The following TAOK1 variants were observed in gnomAD, a reference collection of about 807,000 sequenced individuals.
The protein encoded by TAOK1 is TAO kinase 1.
A neutral mutation model predicts 138.3 loss-of-function variants in TAOK1; 21 were observed. The ratio of observed to expected loss-of-function variants is 0.15; its 90% CI spans 0.11 to 0.22. The LOEUF (loss-of-function observed/expected upper bound fraction) is 0.22. Ranked by LOEUF, TAOK1 falls within the 10% of genes least tolerant of loss-of-function variation. TAOK1 has a pLI of 1.00. For missense variants in TAOK1, 651 were observed against 1,227.7 expected (o/e 0.53, Z 7.02); for synonymous variants, 361 against 398.4 (o/e 0.91, Z 1.12).
intron 8 of TAOK1, among the ~76,000 whole-genome samples, chr17:29,482,911 A>G (rs2031093472): frequency 6.6e-6 from 1 of 152,150 alleles, no homozygotes. Flanking sequence ...GTTCATAAAT[A>G]GAACTGTGCT....
intron 12 of TAOK1, among the ~76,000 whole-genome samples, chr17:29,499,335 G>T (rs985160950): frequency 6.7e-6 from 1 of 148,150 alleles, no homozygotes. Context: ...AGTTTCAAGC[G>T]ATCCTCCTGC....
At chr17:29,426,023 T>TGCGCCCACCACC (rs1905627359) in intron 1 of TAOK1, among the ~76,000 whole-genome samples, 1 of 152,050 alleles carries the variant, frequency 6.6e-6, no homozygotes, top group African/African-American at 2.4e-5. Flanking sequence ...TGGAACTACA[T>TGCGCCCACCACC]GCGCCCACCA....
intron 1 of TAOK1, among the ~76,000 whole-genome samples, chr17:29,405,967 G>A (rs971361199): frequency 2.0e-5 from 3 of 152,102 alleles, no homozygotes; most frequent in African/African-American, 4.8e-5. Flanking sequence ...TTATTTTGTA[G>A]ATACTGTGCC....
In TAOK1 at chr17:29,393,573, C is replaced by T. The variant is rs150943912; in HGVS notation, c.-95+2549C>T. Among the ~76,000 whole-genome samples, 483 of 152,286 alleles carry T rather than the reference C, an allele frequency of 3.2e-3. 2 individuals carry two copies. The highest frequency in any genetic ancestry group is 5.1e-3 in the Non-Finnish European group (345 of 68,022). On this transcript the variant is annotated intron_variant, in intron 1 of 19. Transcript: ENST00000261716. ...CTGAGTTGATTCTAGATTAGTATGG[C>T]ACTTCTTATGTTTCTAAATAGTTCA...
At chr17:29,540,029 T>C (rs1161801922) in intron 19 of TAOK1, among the ~76,000 whole-genome samples, 1 of 152,106 alleles carries the variant, frequency 6.6e-6, no homozygotes, top group Non-Finnish European at 1.5e-5. Context: ...TAAAGAGTGC[T>C]TTCTGAAGGA....
chr17:29,482,663 T>A (rs1034800699), intron 8 of TAOK1, among the ~76,000 whole-genome samples: 9 of 152,180 alleles, frequency 5.9e-5, no homozygotes, highest in South Asian at 4.1e-4. Context: ...ACTTTTTTTT[T>A]AATTAGGGAT....
intron 2 of TAOK1, among the ~76,000 whole-genome samples, chr17:29,458,840 G>A (rs1000574787): frequency 3.9e-5 from 6 of 152,042 alleles, no homozygotes; most frequent in Non-Finnish European, 5.9e-5. Context: ...GATTATAGGC[G>A]TGCGCCACCA....
At chr17:29,460,254 C>T (rs1474171314) in intron 2 of TAOK1, among the ~76,000 whole-genome samples, 1 of 152,172 alleles carries the variant, frequency 6.6e-6, no homozygotes, top group Non-Finnish European at 1.5e-5. Flanking sequence ...TGCAGTGGCA[C>T]GATCTCAGTT....
At chr17:29,517,018 G>A (rs933571438) in intron 15 of TAOK1, among the ~76,000 whole-genome samples, 1 of 147,874 alleles carries the variant, frequency 6.8e-6, no homozygotes, top group South Asian at 2.1e-4. Flanking sequence ...ACAGAGTCTC[G>A]CTCTGTCACC....
chr17:29,411,402 G>C (rs774321296), intron 1 of TAOK1, among the ~76,000 whole-genome samples: 21 of 147,420 alleles, frequency 1.4e-4, no homozygotes, highest in Non-Finnish European at 2.4e-4. Flanking sequence ...TCTTTTTACT[G>C]TTTTTTTGAG....
chr17:29,513,499 A>G (rs913605886), intron 15 of TAOK1: 1 of 152,192 alleles, frequency 6.6e-6, no homozygotes, highest in Non-Finnish European at 1.5e-5. Flanking sequence ...GGCATATACC[A>G]TATAGTCAAA....
intron 8 of TAOK1, among the ~76,000 whole-genome samples, chr17:29,483,574 C>T (rs1046798723): frequency 1.3e-5 from 2 of 152,146 alleles, no homozygotes; most frequent in Non-Finnish European, 2.9e-5. Context: ...TCTATTACAA[C>T]CAGACTACCT....
Position 29,547,210 on chromosome 17 carries a change from T to C in TAOK1, c.*4188T>C, listed in dbSNP as rs1274166629. 1 of 152,122 alleles carries C rather than the reference T, an allele frequency of 6.6e-6. No homozygotes were observed. The highest frequency in any genetic ancestry group is 1.5e-5 in the Non-Finnish European group (1 of 67,982). The allele number at this position is 152,122 out of a possible 1,614,324, so 9.4% of individuals were successfully genotyped here. On this transcript the variant is annotated 3_prime_UTR_variant, in exon 20 of 20. Transcript: ENST00000261716. ...GTAGTGATACCATTGATCCTCTTAC[T>C]TTTTTTACTCCATTAATACTAATAA...
intron 1 of TAOK1, among the ~76,000 whole-genome samples, chr17:29,391,619 C>G (rs1567704660): frequency 6.6e-6 from 1 of 152,168 alleles, no homozygotes; most frequent in South Asian, 2.1e-4. Context: ...GAAGTAATGG[C>G]GCTTCCCTTG....
At chr17:29,492,685 G>A (rs984148930) in intron 10 of TAOK1, among the ~76,000 whole-genome samples, 1 of 152,092 alleles carries the variant, frequency 6.6e-6, no homozygotes, top group Non-Finnish European at 1.5e-5. Flanking sequence ...CCAGCTACTC[G>A]GGAGGCTGAG....
At chr17:29,512,573 G>A (rs912599746) in intron 15 of TAOK1, 8 of 151,366 alleles carry the variant, frequency 5.3e-5, no homozygotes, top group African/African-American at 1.9e-4. Flanking sequence ...AGAGATGAGG[G>A]TTTCACCATC....
At chr17:29,407,563 C>A (rs1467038109) in intron 1 of TAOK1, among the ~76,000 whole-genome samples, 2 of 152,034 alleles carry the variant, frequency 1.3e-5, no homozygotes, top group Non-Finnish European at 2.9e-5. Flanking sequence ...CCTCCCCCCT[C>A]AGCCTCCCTA....
At chr17:29,434,850 G>A (rs544866850) in intron 1 of TAOK1, among the ~76,000 whole-genome samples, 4 of 152,220 alleles carry the variant, frequency 2.6e-5, no homozygotes, top group Admixed American at 2.0e-4. Context: ...CCTGAAATTT[G>A]GAATTGAGTC....
At chr17:29,473,538 G>A (rs2030875147) in intron 3 of TAOK1, among the ~76,000 whole-genome samples, 1 of 150,066 alleles carries the variant, frequency 6.7e-6, no homozygotes, top group Non-Finnish European at 1.5e-5. Flanking sequence ...GGCAGAAGTT[G>A]TAGTGAGCCA....
Sources: allele counts gnomAD v4.1 joint callset (sites outside exome capture counted in the v4.1 genomes callset), GRCh38; gene constraint gnomAD v4.1.1; transcripts MANE v1.5; gene names NCBI Gene and HGNC (gene_info 2026-07-23, HGNC 2026-07-21).